The following UGP2 variants were observed in gnomAD, a reference collection of about 807,000 sequenced individuals.
UGP2 encodes UTP--glucose-1-phosphate uridylyltransferase.
In UGP2, 40 loss-of-function variants were observed where a neutral mutation model predicts 49.0. That is an observed-to-expected ratio of 0.82 (90% confidence interval 0.63 to 1.06). UGP2 has a LOEUF of 1.06. Among genes scored for constraint, UGP2 ranks in the 50% least tolerant of loss-of-function variants. The pLI is 0.00. For missense variants in UGP2, 460 were observed against 603.5 expected (o/e 0.76, Z 2.49); for synonymous variants, 225 against 213.0 (o/e 1.06, Z -0.49).
In UGP2 at chr2:63,841,908, C is replaced by T. The variant is rs1023716975; in HGVS notation, c.-278C>T. On this transcript the variant is annotated 5_prime_UTR_variant, in exon 1 of 10. Transcript: ENST00000337130. ...TTTTACCTTTTCCGGGAGTCTCCAG[C>T]TGGCCCTCATTTGTGTCCGGAGCTC... 13 of 396,188 alleles carry T rather than the reference C, an allele frequency of 3.3e-5. No homozygotes were observed. The Admixed American group carries it at 5.3e-4, about 16-fold the overall frequency. 24.5% of individuals were successfully genotyped at this position (396,188 alleles called of 1,614,324 possible). A position where few individuals can be genotyped will look rare whatever the true frequency, so the allele number is the denominator to read the frequency against.
chr2:63,842,423 C>A (rs1181176726), intron 1 of UGP2: 1 of 1,567,944 alleles, frequency 6.4e-7, no homozygotes, highest in African/African-American at 1.4e-5. Flanking sequence ...TTTAGTTTTG[C>A]CTCCCTGAAA....
chr2:63,844,941 G>T (rs1671830554), intron 1 of UGP2, among the ~76,000 whole-genome samples: 1 of 152,162 alleles, frequency 6.6e-6, no homozygotes, highest in African/African-American at 2.4e-5. Flanking sequence ...AACAACTGTG[G>T]AAATGGCCTG....
chr2:63,856,661 A>G (rs1669455967), intron 2 of UGP2: 2 of 546,240 alleles, frequency 3.7e-6, no homozygotes, highest in Non-Finnish European at 6.6e-6. Context: ...TTTCAAAGTC[A>G]TTAAAATAAT....
intron 4 of UGP2, 150 bp downstream of exon 4, chr2:63,882,801 G>A: frequency 6.1e-6 from 5 of 818,748 alleles, no homozygotes; most frequent in South Asian, 7.6e-5. Context: ...AAAAGGTTTA[G>A]TGTTCTTAAG....
rs190179466 is a variant in UGP2, at chr2:63,877,994, C to T, written c.256-4472C>T. ...CGGCCTGGGCGACAGAGCGAGACTC[C>T]GTCTCAAAAAAAAAAAAAAAAAAAA... is the stretch of plus-strand genomic sequence containing the variant. On this transcript the variant is annotated intron_variant, in intron 3 of 9. Coordinates refer to ENST00000337130, the MANE Select transcript of UGP2 (RefSeq NM_006759.4). 1.7e-4 allele frequency among the ~76,000 whole-genome samples: 17 copies of T among 99,988 alleles called. No individual in the cohort carries two copies. The East Asian group carries it at 4.6e-3, about 27-fold the overall frequency. 65.6% of individuals were successfully genotyped at this position (99,988 alleles called of 152,430 possible).
At chr2:63,865,399 G>A (rs1670114745) in intron 3 of UGP2, among the ~76,000 whole-genome samples, 1 of 152,130 alleles carries the variant, frequency 6.6e-6, no homozygotes, top group South Asian at 2.1e-4. Flanking sequence ...GTGAGGAGAT[G>A]TTTGCACAAA....
chr2:63,855,064 T>C (rs1204700351), intron 1 of UGP2: 1 of 155,730 alleles, frequency 6.4e-6, no homozygotes, highest in Non-Finnish European at 1.4e-5. Context: ...TAAAATGTTT[T>C]GTTTTGTTTT....
chr2:63,857,865 T>C lies in UGP2; in HGVS notation c.184T>C (p.Phe62Leu), dbSNP rs1170034004. ...AGACCTGGATGGATTTCGGAAGCTA[T>C]TTCATAGATTTTTGCAAGAAAAGGG... ...KKDLDGFRKL[F>L]HRFLQEKGPS... The change falls in exon 3 of 10, where the codon TTT becomes CTT. Residue 62 changes from phenylalanine to leucine, a missense_variant. Phe to Leu is a conservative substitution (Grantham distance 22, BLOSUM62 0). This residue lies in a region of UGP2 where 143 missense variants were observed against 130.4 expected (regional missense o/e 1.10). Transcript: ENST00000337130. 3 of 1,614,136 alleles carry C rather than the reference T, an allele frequency of 1.9e-6. No homozygotes were observed. The highest frequency in any genetic ancestry group is 2.5e-6 in the Non-Finnish European group (3 of 1,180,004).
At chr2:63,870,799 T>C (rs1431292401) in intron 3 of UGP2, among the ~76,000 whole-genome samples, 2 of 152,180 alleles carry the variant, frequency 1.3e-5, no homozygotes, top group Non-Finnish European at 2.9e-5. Context: ...TTATGGAGTT[T>C]ACAGTCTTAT....
chr2:63,878,010 A>G (rs1289449289), intron 3 of UGP2, among the ~76,000 whole-genome samples: 1 of 148,630 alleles, frequency 6.7e-6, no homozygotes, highest in East Asian at 2.0e-4. Flanking sequence ...AAAAAAAAAA[A>G]AAAAAAAAAA....
chr2:63,850,312 G>A lies in UGP2; in HGVS notation c.20-5994G>A, dbSNP rs145698153. ...GAAAGCCTGATATCCTTTTATTTTT[G>A]TTATCAAAAAGCATTTATTAACCAT... is the stretch of plus-strand genomic sequence containing the variant. On this transcript the variant is annotated intron_variant, in intron 1 of 9. Coordinates refer to ENST00000337130, the MANE Select transcript of UGP2 (RefSeq NM_006759.4). Among the ~76,000 whole-genome samples, 527 of 151,964 alleles carry A rather than the reference G, an allele frequency of 3.5e-3. 3 individuals are homozygous for A. Among genetic ancestry groups the A allele is most frequent in the African/African-American group, 0.012 (490 of 41,464 alleles).
At chr2:63,856,525 C>T (rs1669442363) in intron 2 of UGP2, 92 bp downstream of exon 2, 3 of 1,401,278 alleles carry the variant, frequency 2.1e-6, no homozygotes, top group Admixed American at 4.5e-5. Context: ...TAATCATCAC[C>T]TCAAATCAGC....
At chr2:63,843,534 C>T (rs2104231153) in intron 1 of UGP2, among the ~76,000 whole-genome samples, 1 of 152,244 alleles carries the variant, frequency 6.6e-6, no homozygotes, top group Middle Eastern at 3.4e-3. Flanking sequence ...TATTAATAAA[C>T]CCAAGGTGTT....
At chr2:63,855,808 T>G (rs1669376589) in intron 1 of UGP2, 1 of 273,670 alleles carries the variant, frequency 3.7e-6, no homozygotes, top group Non-Finnish European at 7.2e-6. Flanking sequence ...CCCACAGTGT[T>G]GGGATTGCAG....
At chr2:63,871,972 A>G (rs546764425) in intron 3 of UGP2, among the ~76,000 whole-genome samples, 6 of 152,358 alleles carry the variant, frequency 3.9e-5, no homozygotes, top group African/African-American at 1.2e-4. Flanking sequence ...AGGCCATACA[A>G]TTTGGGGATG....
chr2:63,879,921 C>A (rs573177273), intron 3 of UGP2, among the ~76,000 whole-genome samples: 2 of 152,102 alleles, frequency 1.3e-5, no homozygotes, highest in Non-Finnish European at 2.9e-5. Context: ...AATGCATGAA[C>A]TAGGAGTTTT....
At chr2:63,856,867 A>C (rs1669473910) in intron 2 of UGP2, 1 of 455,436 alleles carries the variant, frequency 2.2e-6, no homozygotes, top group Admixed American at 2.4e-5. Context: ...TTACTTTTTT[A>C]CTTGTAAATC....
chr2:63,844,645 T>C (rs1050478382), intron 1 of UGP2, among the ~76,000 whole-genome samples: 3 of 152,228 alleles, frequency 2.0e-5, no homozygotes, highest in Non-Finnish European at 2.9e-5. Context: ...CACTGCAGCC[T>C]TGATCTCCTT....
intron 6 of UGP2, 148 bp from the exon 7 acceptor site, chr2:63,886,193 A>G (rs553107363): frequency 1.2e-6 from 1 of 868,100 alleles, no homozygotes; most frequent in South Asian, 1.9e-5. Flanking sequence ...TTGGCATTTA[A>G]ATGTTATTTC....
Sources: gnomAD v4.1 joint callset for allele counts (sites outside exome capture counted in the v4.1 genomes callset) on GRCh38, gnomAD v4.1.1 for gene constraint, gnomAD v4.1.1 regional missense constraint, MANE v1.5 for transcripts, NCBI Gene and HGNC (gene_info 2026-07-23, HGNC 2026-07-21) for gene names.